Variants in RYR1 observed in about 807,000 individuals in gnomAD.
RYR1 encodes central core disease of muscle.
Under a neutral mutation model 583.5 loss-of-function variants are expected in RYR1, and 342 were observed. The ratio of observed to expected loss-of-function variants is 0.59; its 90% confidence interval spans 0.54 to 0.64. The LOEUF is 0.64. RYR1 is among the 30% of genes least tolerant of loss of function. The pLI is 0.00. For missense variants in RYR1, 6,032 were observed against 6,917.2 expected, an observed-to-expected ratio of 0.87 and a Z score of 4.54; for synonymous variants, 2,791 against 2,822.5, an observed-to-expected ratio of 0.99 and a Z score of 0.35.
intron 12 of RYR1, 67 bp from the exon 13 acceptor site, chr19:38,452,752 G>C: frequency 7.0e-7 from 1 of 1,437,036 alleles, no homozygotes; most frequent in Non-Finnish European, 9.4e-7. Flanking sequence ...CGGGAGTGAG[G>C]TTGCGGCAGT....
intron 34 of RYR1, among the ~76,000 whole-genome samples, chr19:38,487,393 C>T (rs1046186315): frequency 6.6e-6 from 1 of 152,180 alleles, no homozygotes; most frequent in Non-Finnish European, 1.5e-5. Context: ...GCTCTGTCAC[C>T]CAGGCTGAAG....
chr19:38,477,602 T>C, intron 29 of RYR1, 108 bp from the exon 30 acceptor site: 3 of 1,411,620 alleles, frequency 2.1e-6, no homozygotes, highest in East Asian at 2.3e-5. Context: ...CAACTTCCTG[T>C]TAAACTCCCA....
intron 39 of RYR1, among the ~76,000 whole-genome samples, chr19:38,495,034 T>C (rs1969750220): frequency 6.6e-6 from 1 of 151,782 alleles, no homozygotes; most frequent in African/African-American, 2.4e-5. Context: ...TTATATTTAG[T>C]AGAGACAGGG....
rs202111332 is a variant in RYR1 at position 38,499,760 on chromosome 19, C to G, written c.7153C>G (p.Arg2385Gly). The G allele has an allele frequency of 1.9e-6, 3 of 1,601,862 alleles. No individual in the cohort carries two copies. The Admixed American group carries it at 5.0e-5, about 27-fold the overall frequency. The change falls in exon 44 of 106, where the codon CGC becomes GGC. Residue 2385 changes from arginine to glycine, a missense_variant. Arg to Gly is a moderately radical substitution (Grantham distance 125). This residue lies in a region of RYR1 where 2,627 missense variants were observed against 2,961.3 expected (regional missense o/e 0.89). Coordinates refer to ENST00000359596, the MANE Select transcript of RYR1 (RefSeq NM_000540.3). The surrounding 1 kb of genome is among the most constrained non-coding windows in gnomAD (Gnocchi z 7.3). ...GLLAAIEEAI[R>G]ISEDPARDGP... ...GCTGGCTGCCATCGAAGAGGCCATC[C>G]GCATCTCCGAGGACCCTGCGAGGGA... is the stretch of plus-strand genomic sequence containing the variant.
chr19:38,568,036 AC>A, intron 93 of RYR1, 119 bp downstream of exon 93: 1 of 1,240,760 alleles, frequency 8.1e-7, no homozygotes, highest in Non-Finnish European at 1.2e-6. Flanking sequence ...TCTAAGAAGA[AC>A]CCTAGCTGGG....
Position 38,475,375 on chromosome 19 carries a change from G to A in RYR1, c.4218G>A (p.Thr1406=), listed in dbSNP as rs1221732608. The change falls in exon 29 of 106, where the codon ACG becomes ACA. Residue 1406 remains threonine, a synonymous_variant. Coordinates refer to ENST00000359596, the MANE Select transcript of RYR1 (RefSeq NM_000540.3). ...TGACCCAGCCACCGGCCACCCCCAC[G>A]CTGCCCCGACTCCCTCACGACGTGG... ...AMMTQPPATP[T]LPRLPHDVVP... 1.6e-5 allele frequency: 26 copies of A among 1,613,214 alleles called. No individual in the cohort carries two copies. The highest frequency in any genetic ancestry group is 2.1e-5 in the Non-Finnish European group (25 of 1,179,654).
chr19:38,469,521 C>A lies in RYR1; in HGVS notation c.3765+8C>A. ...GAACACCCTCACTATGAGGTAAGGA[C>A]TGAGCCCCTCAATGCCTTCTCATCT... is the stretch of plus-strand genomic sequence containing the variant. On this transcript the variant is annotated splice_region_variant and intron_variant, in intron 27 of 105. Coordinates refer to ENST00000359596, the MANE Select transcript of RYR1 (RefSeq NM_000540.3). 6.2e-7 allele frequency: 1 copy of A among 1,613,222 alleles called. No individual in the cohort carries two copies. The highest frequency in any genetic ancestry group is 8.5e-7 in the Non-Finnish European group (1 of 1,179,288).
chr19:38,449,886 T>C (rs1966988831), intron 11 of RYR1, among the ~76,000 whole-genome samples: 1 of 151,892 alleles, frequency 6.6e-6, no homozygotes. Context: ...GAGGTCTAGT[T>C]TTGTTTGTTT....
chr19:38,515,120 AG>A lies in RYR1; in HGVS notation c.9554+14del, dbSNP rs1568525128. Reference sequence around the variant, plus strand: ...CTTATGTGGAAAAGTAAGGAGAGGGAGCCATCGTTTGGGGCTGGGTGGGGCT... The same window carrying A: ...CTTATGTGGAAAAGTAAGGAGAGGGACCATCGTTTGGGGCTGGGTGGGGCT... On this transcript the variant is annotated intron_variant, in intron 64 of 105. Transcript: ENST00000359596. 1 of 1,547,472 alleles carries A rather than the reference AG, an allele frequency of 6.5e-7. No homozygotes were observed. The highest frequency in any genetic ancestry group is 1.1e-5 in the South Asian group (1 of 89,658).
chr19:38,566,177 G>A (rs947602281), intron 91 of RYR1, among the ~76,000 whole-genome samples: 10 of 151,902 alleles, frequency 6.6e-5, no homozygotes, highest in African/African-American at 2.4e-4. Flanking sequence ...AGCCAGGCGC[G>A]GTGGCTTACA....
At chr19:38,459,797 A>G (rs1169362834) in intron 19 of RYR1, among the ~76,000 whole-genome samples, 1 of 151,994 alleles carries the variant, frequency 6.6e-6, no homozygotes, top group Non-Finnish European at 1.5e-5. Context: ...AGACTCTTCC[A>G]ATGACACCAT....
intron 29 of RYR1, 84 bp from the exon 30 acceptor site, chr19:38,477,626 T>A: frequency 1.9e-6 from 3 of 1,579,312 alleles, no homozygotes; most frequent in Non-Finnish European, 2.6e-6. Flanking sequence ...GACCCAACAG[T>A]CCAGGGAAAC....
chr19:38,586,639 C>G, intron 105 of RYR1, 63 bp downstream of exon 105: 2 of 1,441,794 alleles, frequency 1.4e-6, no homozygotes, highest in Non-Finnish European at 2.0e-6. Context: ...TAAGGCCAGT[C>G]AGTAGGTGGC....
Position 38,464,670 on chromosome 19 carries a change from A to G in RYR1, c.2818A>G (p.Met940Val), listed in dbSNP as rs1967996367. 2 of 1,593,684 alleles carry G rather than the reference A, an allele frequency of 1.3e-6. No homozygotes were observed. The highest frequency in any genetic ancestry group is 1.7e-6 in the Non-Finnish European group (2 of 1,170,476). ...GCTGGCTCTGGGCTGCCACGTGGGC[A>G]TGGCGGATGAGAAGGCGGAGGACAA... ...TLLALGCHVG[M>V]ADEKAEDNLK... Residue 940 changes from methionine to valine, a missense_variant, in exon 23 of 106, where the codon ATG becomes GTG. Around this residue, in one of 11 missense-constraint regions of RYR1, gnomAD observed 2,627 missense variants for 2,961.3 expected, o/e 0.89. Transcript: ENST00000359596.
At chr19:38,451,707 G>C in intron 11 of RYR1, 57 bp from the exon 12 acceptor site, 1 of 1,609,846 alleles carries the variant, frequency 6.2e-7, no homozygotes, top group Non-Finnish European at 8.5e-7. Flanking sequence ...CAGACGTCTT[G>C]GGGGCATGGC....
chr19:38,442,986 T>C (rs7253096), intron 3 of RYR1, among the ~76,000 whole-genome samples: 1,831 of 152,230 alleles, frequency 0.012, 13 homozygotes, highest in Non-Finnish European at 0.019. Flanking sequence ...CATGGCGCCC[T>C]TGGAGCATGG....
At position 38,512,352 on chromosome 19, in the gene RYR1, A is replaced by G. The variant is rs752290068; in HGVS notation, c.9341A>G (p.Lys3114Arg). 4 of 1,614,044 alleles carry G rather than the reference A, an allele frequency of 2.5e-6. No homozygotes were observed. The highest frequency in any genetic ancestry group is 3.4e-6 in the Non-Finnish European group (4 of 1,180,052). ...ATGGTGGAGAACCTGCGGCTGGGCA[A>G]GGTGTCGCAGGCGCGCACCCAGGTG... ...EKMVENLRLG[K>R]VSQARTQVKG... The change falls in exon 63 of 106, where the codon AAG becomes AGG. Residue 3114 changes from lysine to arginine, a missense_variant. Physicochemically the swap from Lys to Arg is conservative, Grantham distance 26 (BLOSUM62 2). Around this residue, in one of 11 missense-constraint regions of RYR1, gnomAD observed 1,493 missense variants for 1,715.5 expected, o/e 0.87. Coordinates refer to ENST00000359596, the MANE Select transcript of RYR1 (RefSeq NM_000540.3). The surrounding 1 kb of genome is among the most constrained non-coding windows in gnomAD (Gnocchi z 5.1).
In RYR1 at chr19:38,534,821, T is replaced by C. The variant is rs559671941; in HGVS notation, c.11359+2T>C. ...TGCAGATGATCAGTGCCTGCAAAGG[T>C]GCCCCTCACATGTGCACTGGACTCT... is the stretch of plus-strand genomic sequence containing the variant. On this transcript the variant is annotated splice_donor_variant, in intron 79 of 105. Coordinates refer to ENST00000359596, the MANE Select transcript of RYR1 (RefSeq NM_000540.3). LOFTEE classifies it high-confidence loss of function. 1 of 1,610,830 alleles carries C rather than the reference T, an allele frequency of 6.2e-7. No homozygotes were observed. The highest frequency in any genetic ancestry group is 2.2e-5 in the East Asian group (1 of 44,806).
chr19:38,587,447 C>A lies in RYR1; in HGVS notation c.*27C>A. On this transcript the variant is annotated 3_prime_UTR_variant, in exon 106 of 106. Coordinates refer to ENST00000359596, the MANE Select transcript of RYR1 (RefSeq NM_000540.3). Reference sequence around the variant, plus strand: ...ACACCCCCAGCTGGCCCTCCACCCCCACCTCAAGTGCCTTATTCTCACAGC... The same window carrying A: ...ACACCCCCAGCTGGCCCTCCACCCCAACCTCAAGTGCCTTATTCTCACAGC... 6.5e-7 allele frequency: 1 copy of A among 1,549,242 alleles called. No individual in the cohort carries two copies. Among genetic ancestry groups the A allele is most frequent in the Non-Finnish European group, 8.9e-7 (1 of 1,121,370 alleles).
Sources: allele counts gnomAD v4.1 joint callset (sites outside exome capture counted in the v4.1 genomes callset), GRCh38; gene constraint gnomAD v4.1.1; regional missense constraint gnomAD v4.1.1; non-coding constraint Gnocchi (gnomAD v3.1); transcripts MANE v1.5; gene names NCBI Gene and HGNC (gene_info 2026-07-23, HGNC 2026-07-21).